The following RBMS3 variants were observed in gnomAD, a reference collection of about 807,000 sequenced individuals.
The protein encoded by RBMS3 is RNA binding motif single stranded interacting protein 3.
In RBMS3, 27 loss-of-function variants were observed where a neutral mutation model predicts 66.8. The ratio of observed to expected loss-of-function variants is 0.40; its 90% CI spans 0.30 to 0.56. The LOEUF (loss-of-function observed/expected upper bound fraction) is 0.56. Ranked by LOEUF, RBMS3 falls within the 20% of genes least tolerant of loss-of-function variation. The pLI is 0.40. For synonymous variants in RBMS3, 188 were observed against 183.0 expected (o/e 1.03, Z -0.22); for missense variants, 513 against 549.5 (o/e 0.93, Z 0.66).
intron 12 of RBMS3, among the ~76,000 whole-genome samples, chr3:29,982,954 A>T (rs1160575566): frequency 1.3e-5 from 2 of 152,122 alleles, no homozygotes; most frequent in Non-Finnish European, 2.9e-5. Flanking sequence ...TCAAGTCCTG[A>T]ATATCCTTGT....
At position 29,292,025 on chromosome 3, in the gene RBMS3, C is replaced by T. The variant is rs529305254; in HGVS notation, c.75+10269C>T. On this transcript the variant is annotated intron_variant, in intron 1 of 14. Coordinates refer to ENST00000383767, the MANE Select transcript of RBMS3 (RefSeq NM_001003793.3). The stretch of plus-strand genomic sequence containing the variant: ...TTCTCTCTGTAGCCCCATATATATC[C>T]TCAGACCTGAAAATTCACACCATCC... Among the ~76,000 whole-genome samples, 3 of 151,842 alleles carry T rather than the reference C, an allele frequency of 2.0e-5. No homozygotes were observed. In the South Asian group the frequency reaches 6.2e-4, roughly 32 times the overall value.
chr3:29,621,263 T>C (rs994618897), intron 4 of RBMS3, among the ~76,000 whole-genome samples: 5 of 151,952 alleles, frequency 3.3e-5, no homozygotes, highest in African/African-American at 4.8e-5. Context: ...ATATAATACA[T>C]AATGGGGCAG....
At chr3:29,398,179 G>A (rs2039642870) in intron 1 of RBMS3, among the ~76,000 whole-genome samples, 2 of 152,164 alleles carry the variant, frequency 1.3e-5, no homozygotes, top group South Asian at 4.1e-4. Context: ...GTAATGATGA[G>A]ATGAATTCAG....
At chr3:29,579,214 C>G (rs1200070859) in intron 3 of RBMS3, among the ~76,000 whole-genome samples, 1 of 152,148 alleles carries the variant, frequency 6.6e-6, no homozygotes, top group Admixed American at 6.5e-5. Context: ...TTATAATGGT[C>G]TATCCTCTAA....
At chr3:29,628,126 G>A (rs1480095975) in intron 4 of RBMS3, among the ~76,000 whole-genome samples, 1 of 152,172 alleles carries the variant, frequency 6.6e-6, no homozygotes, top group African/African-American at 2.4e-5. Flanking sequence ...AGAATGTGGA[G>A]GGAGTGATAC....
intron 7 of RBMS3, among the ~76,000 whole-genome samples, chr3:29,876,213 G>A (rs574122304): frequency 6.6e-6 from 1 of 152,190 alleles, no homozygotes; most frequent in South Asian, 2.1e-4. Flanking sequence ...GTTCCTGCCT[G>A]TAATTTGGTT....
chr3:29,957,349 A>G (rs1696112076), intron 12 of RBMS3, among the ~76,000 whole-genome samples: 1 of 152,154 alleles, frequency 6.6e-6, no homozygotes, highest in African/African-American at 2.4e-5. Flanking sequence ...TGAATAAATG[A>G]TACCTATATG....
chr3:29,555,011 GT>G (rs2046302537), intron 3 of RBMS3, among the ~76,000 whole-genome samples: 1 of 152,148 alleles, frequency 6.6e-6, no homozygotes, highest in African/African-American at 2.4e-5. Context: ...TTCAAGGAAA[GT>G]TTATTAACTT....
chr3:29,365,945 T>C (rs2037876724), intron 1 of RBMS3, among the ~76,000 whole-genome samples: 1 of 152,172 alleles, frequency 6.6e-6, no homozygotes. Flanking sequence ...CTGAGTACTC[T>C]CTGGGAACCT....
chr3:29,409,502 C>G (rs1041410436), intron 1 of RBMS3, among the ~76,000 whole-genome samples: 3 of 152,222 alleles, frequency 2.0e-5, no homozygotes, highest in Non-Finnish European at 4.4e-5. Flanking sequence ...AAATCGACAT[C>G]AGGAAATTAT....
intron 4 of RBMS3, among the ~76,000 whole-genome samples, chr3:29,618,114 T>C (rs2048730405): frequency 6.6e-6 from 1 of 152,208 alleles, no homozygotes; most frequent in African/African-American, 2.4e-5. Context: ...AAGATGGGGC[T>C]ATTCATAGAC....
intron 10 of RBMS3, among the ~76,000 whole-genome samples, chr3:29,928,180 TTATATATATA>T (rs1199975605): frequency 9.7e-6 from 1 of 102,586 alleles, no homozygotes; most frequent in East Asian, 3.2e-4. Flanking sequence ...TCTTCAAATT[TTATATATATA>T]TATATATATA....
At chr3:29,929,181 C>T (rs1477846020) in intron 10 of RBMS3, among the ~76,000 whole-genome samples, 1 of 151,986 alleles carries the variant, frequency 6.6e-6, no homozygotes, top group Non-Finnish European at 1.5e-5. Flanking sequence ...CAACAAAATC[C>T]CTTTGACCGT....
intron 2 of RBMS3, among the ~76,000 whole-genome samples, chr3:29,482,827 C>T (rs1215994877): frequency 6.8e-4 from 102 of 149,722 alleles, no homozygotes; most frequent in African/African-American, 2.4e-3. Context: ...CCTGCCTCAG[C>T]CTCCTGAATA....
intron 4 of RBMS3, among the ~76,000 whole-genome samples, chr3:29,691,078 T>C (rs775268027): frequency 3.9e-5 from 6 of 152,240 alleles, no homozygotes; most frequent in Admixed American, 1.3e-4. Context: ...TATTATCTTA[T>C]GGTTTTCAGC....
chr3:29,470,401 C>A (rs1020955966), intron 2 of RBMS3, among the ~76,000 whole-genome samples: 2 of 151,998 alleles, frequency 1.3e-5, no homozygotes, highest in Non-Finnish European at 2.9e-5. Flanking sequence ...TGAATGAATT[C>A]TTTCATTGTA....
chr3:29,469,275 A>G (rs2042640704), intron 2 of RBMS3, among the ~76,000 whole-genome samples: 1 of 152,088 alleles, frequency 6.6e-6, no homozygotes, highest in Non-Finnish European at 1.5e-5. Flanking sequence ...TGGAGAAACT[A>G]TTATTCTGTT....
At chr3:29,471,871 G>A (rs949371460) in intron 2 of RBMS3, among the ~76,000 whole-genome samples, 7 of 151,642 alleles carry the variant, frequency 4.6e-5, no homozygotes, top group African/African-American at 7.3e-5. Context: ...TATTCAGCTT[G>A]TGTCAGATGG....
At chr3:29,308,906 C>CT (rs1389520491) in intron 1 of RBMS3, among the ~76,000 whole-genome samples, 1 of 150,766 alleles carries the variant, frequency 6.6e-6, no homozygotes, top group Non-Finnish European at 1.5e-5. Flanking sequence ...GAGCTCTAAT[C>CT]TTTTTTTTAA....
Sources: gnomAD v4.1 joint callset for allele counts (sites outside exome capture counted in the v4.1 genomes callset) on GRCh38, gnomAD v4.1.1 for gene constraint, MANE v1.5 for transcripts, NCBI Gene and HGNC (gene_info 2026-07-23, HGNC 2026-07-21) for gene names.